The following ADCY2 variants were observed in gnomAD, a reference collection of about 807,000 sequenced individuals.
ADCY2 encodes adenylate cyclase type 2.
ADCY2 carries 31 observed loss-of-function variants against 125.2 expected under a neutral mutation model. That is an observed-to-expected ratio of 0.25 (90% CI 0.19 to 0.33). The LOEUF (loss-of-function observed/expected upper bound fraction) is 0.33. Among genes scored for constraint, ADCY2 ranks in the 10% least tolerant of loss-of-function variants. The pLI, the probability that ADCY2 is intolerant of heterozygous loss-of-function variation, is 1.00. For missense variants in ADCY2, 904 were observed against 1,418.2 expected, an observed-to-expected ratio of 0.64 and a Z score of 5.82; for synonymous variants, 512 against 548.4, an observed-to-expected ratio of 0.93 and a Z score of 0.93.
At chr5:7,509,130 A>G (rs1312247894) in intron 2 of ADCY2, among the ~76,000 whole-genome samples, 1 of 152,202 alleles carries the variant, frequency 6.6e-6, no homozygotes, top group African/African-American at 2.4e-5. Flanking sequence ...ATAGGGCTTC[A>G]CTCTGGAAGA....
intron 23 of ADCY2, among the ~76,000 whole-genome samples, chr5:7,819,254 A>C (rs370313470): frequency 3.9e-5 from 6 of 152,152 alleles, no homozygotes; most frequent in African/African-American, 1.4e-4. Flanking sequence ...TCACAGACAC[A>C]CCTAGGAACA....
At position 7,823,023 on chromosome 5, in the gene ADCY2, C is replaced by T. The variant is rs1230642468; in HGVS notation, c.3123+2334C>T. On this transcript the variant is annotated intron_variant, in intron 24 of 24. Coordinates refer to ENST00000338316, the MANE Select transcript of ADCY2 (RefSeq NM_020546.3). Reference sequence around the variant, plus strand: ...TTTCCTCTTTAAAAGACTGTCCCCTCCATTGTTGTCAGAATGGGCTTTTTA... The same window carrying T: ...TTTCCTCTTTAAAAGACTGTCCCCTTCATTGTTGTCAGAATGGGCTTTTTA... Among the ~76,000 whole-genome samples the T allele has an allele frequency of 2.0e-5, 3 of 152,160 alleles. No individual in the cohort carries two copies. In the East Asian group the frequency reaches 5.8e-4, roughly 29 times the overall value.
intron 1 of ADCY2, among the ~76,000 whole-genome samples, chr5:7,398,713 G>T (rs73042696): frequency 0.014 from 2,157 of 152,302 alleles, 42 homozygotes; most frequent in African/African-American, 0.049. Context: ...TACTCAGTCT[G>T]ATAGAAAAGC....
At chr5:7,568,956 TG>T in intron 3 of ADCY2, among the ~76,000 whole-genome samples, 1 of 152,170 alleles carries the variant, frequency 6.6e-6, no homozygotes, top group African/African-American at 2.4e-5. Flanking sequence ...AAACCTGCAG[TG>T]TCTGTACATG....
intron 7 of ADCY2, among the ~76,000 whole-genome samples, chr5:7,700,618 T>C (rs2126334934): frequency 6.6e-6 from 1 of 152,074 alleles, no homozygotes; most frequent in East Asian, 1.9e-4. Context: ...CTGTTGTCAC[T>C]GTGTTGGTCA....
intron 2 of ADCY2, among the ~76,000 whole-genome samples, chr5:7,447,987 A>G (rs1299996074): frequency 6.6e-6 from 1 of 152,190 alleles, no homozygotes. Context: ...ACTTCCACAG[A>G]CACGGTGACC....
At chr5:7,460,705 TG>T (rs1741886830) in intron 2 of ADCY2, among the ~76,000 whole-genome samples, 1 of 152,066 alleles carries the variant, frequency 6.6e-6, no homozygotes, top group Non-Finnish European at 1.5e-5. Context: ...TTTTTTTTTG[TG>T]GACATGGAAT....
intron 15 of ADCY2, among the ~76,000 whole-genome samples, chr5:7,755,879 G>A (rs960941791): frequency 2.6e-5 from 4 of 152,200 alleles, no homozygotes; most frequent in African/African-American, 4.8e-5. Flanking sequence ...AACTGAAAGC[G>A]CAGCCTATTT....
intron 4 of ADCY2, among the ~76,000 whole-genome samples, chr5:7,670,907 G>A (rs1201076896): frequency 6.6e-6 from 1 of 152,146 alleles, no homozygotes; most frequent in African/African-American, 2.4e-5. Flanking sequence ...CTTGGGGGTT[G>A]GGGACCCCTA....
chr5:7,608,397 G>A (rs2126641484), intron 3 of ADCY2, among the ~76,000 whole-genome samples: 1 of 152,160 alleles, frequency 6.6e-6, no homozygotes, highest in East Asian at 1.9e-4. Flanking sequence ...GAAACACAGG[G>A]AAACTTTGTC....
chr5:7,501,639 T>TCCCCCCCCCCCCCCCCCCCCCCCCCCCCC (rs1491333374), intron 2 of ADCY2, among the ~76,000 whole-genome samples: 2 of 37,210 alleles, frequency 5.4e-5, no homozygotes, highest in Non-Finnish European at 1.0e-4. Flanking sequence ...AGAATGAGAT[T>TCCCCCCCCCCCCCCCCCCCCCCCCCCCCC]CCCCCCTCCC....
chr5:7,534,011 G>A (rs1468060653), intron 3 of ADCY2, among the ~76,000 whole-genome samples: 4 of 152,174 alleles, frequency 2.6e-5, no homozygotes, highest in African/African-American at 9.7e-5. Context: ...GTCTCCTGCA[G>A]ATATTCCTTG....
chr5:7,512,916 A>G (rs1179429309), intron 2 of ADCY2, among the ~76,000 whole-genome samples: 1 of 152,106 alleles, frequency 6.6e-6, no homozygotes, highest in African/African-American at 2.4e-5. Flanking sequence ...ACCTCTGTAG[A>G]GGAGATGAGG....
At chr5:7,658,352 CT>C (rs1203066497) in intron 4 of ADCY2, 2 of 150,354 alleles carry the variant, frequency 1.3e-5, no homozygotes, top group Non-Finnish European at 2.9e-5. Flanking sequence ...TGTTCACTTG[CT>C]TTTTTTCTAT....
Position 7,646,271 on chromosome 5 carries a change from G to C in ADCY2, c.720+19955G>C, listed in dbSNP as rs140037845. 5.2e-3 allele frequency among the ~76,000 whole-genome samples: 782 copies of C among 151,552 alleles called. 1 individual carries two copies. The highest frequency in any genetic ancestry group is 9.2e-3 in the Non-Finnish European group (622 of 67,886). The stretch of plus-strand genomic sequence containing the variant: ...TTTTAATCAAATGATTTTACCTTGA[G>C]AGGTATTGAGGTAATGGACATATTT... On this transcript the variant is annotated intron_variant, in intron 4 of 24. Transcript: ENST00000338316.
rs375649539 is a variant in ADCY2, at chr5:7,696,894, G to A, written c.981+1031G>A. Among the ~76,000 whole-genome samples the A allele has an allele frequency of 4.6e-5, 7 of 152,284 alleles. 1 individual carries two copies. In the South Asian group the frequency reaches 8.3e-4, roughly 18 times the overall value. On this transcript the variant is annotated intron_variant, in intron 6 of 24. Transcript: ENST00000338316. ...CCTTCCTTTACCAAGCCAAAGGAAG[G>A]GGGTGAGTTTTGTGGGTGTTCATTT...
chr5:7,529,193 G>A (rs554099700), intron 3 of ADCY2, among the ~76,000 whole-genome samples: 1 of 152,206 alleles, frequency 6.6e-6, no homozygotes, highest in African/African-American at 2.4e-5. Flanking sequence ...CTAGTTATCT[G>A]TAAAACAGAA....
At chr5:7,689,684 C>T (rs924470376) in intron 4 of ADCY2, among the ~76,000 whole-genome samples, 2 of 151,982 alleles carry the variant, frequency 1.3e-5, no homozygotes, top group Admixed American at 6.6e-5. Flanking sequence ...ATCCGAGCTT[C>T]CCCTCCTCCC....
At chr5:7,686,998 C>T (rs1043576262) in intron 4 of ADCY2, among the ~76,000 whole-genome samples, 2 of 152,120 alleles carry the variant, frequency 1.3e-5, no homozygotes, top group African/African-American at 4.8e-5. Context: ...GTGCTATCTA[C>T]CATCCACCAG....
Sources: allele counts gnomAD v4.1 joint callset (sites outside exome capture counted in the v4.1 genomes callset), GRCh38; gene constraint gnomAD v4.1.1; transcripts MANE v1.5; gene names NCBI Gene and HGNC (gene_info 2026-07-23, HGNC 2026-07-21).